Variants in DSG1 observed in about 807,000 individuals in gnomAD.
DSG1 encodes desmoglein 1, also known as desmoglein-1.
DSG1 carries 39 observed loss-of-function variants against 97.5 expected under a neutral mutation model. The observed-to-expected ratio is 0.40, with a 90% CI of 0.31 to 0.52. DSG1 has a LOEUF of 0.52. DSG1 is among the 20% of genes least tolerant of loss of function. The pLI, the probability that DSG1 is intolerant of heterozygous loss-of-function variation, is 0.53. For missense variants in DSG1, 1,311 were observed against 1,295.4 expected (o/e 1.01, Z -0.18); for synonymous variants, 475 against 443.4 (o/e 1.07, Z -0.90).
At chr18:31,345,542 C>T (rs1165414235) in intron 13 of DSG1, 4 of 171,630 alleles carry the variant, frequency 2.3e-5, no homozygotes, top group Admixed American at 2.3e-4. Flanking sequence ...TCATGAAAAC[C>T]TTTCTCCTCA....
rs1430240324 is a variant in DSG1, at chr18:31,326,599, A to G, written c.67A>G (p.Ser23Gly). Residue 23 changes from serine to glycine, a missense_variant, in exon 2 of 15, where the codon AGT (serine) becomes GGT (glycine). Physicochemically the swap from Ser to Gly is moderately conservative, Grantham distance 56. Coordinates refer to ENST00000257192, the MANE Select transcript of DSG1 (RefSeq NM_001942.4). Reference protein sequence around the residue: ...FIFLVVVEVNSEFRIQVRDYN... With the variant: ...FIFLVVVEVNGEFRIQVRDYN... The stretch of plus-strand genomic sequence containing the variant: ...TTTACAGGTGGTGGTAGAAGTTAAC[A>G]GTGAATTCCGAATCCAGGTAATATA... The G allele has an allele frequency of 1.2e-6, 2 of 1,605,206 alleles. No homozygotes were observed.
chr18:31,346,544 C>CCA (rs1045459891), intron 14 of DSG1, among the ~76,000 whole-genome samples: 12 of 152,146 alleles, frequency 7.9e-5, no homozygotes, highest in African/African-American at 2.9e-4. Context: ...AGCACCTTTG[C>CCA]CACACACCTT....
At chr18:31,343,749 G>C (rs552836466) in intron 12 of DSG1, 166 bp downstream of exon 12, 1 of 1,190,940 alleles carries the variant, frequency 8.4e-7, no homozygotes, top group African/African-American at 1.5e-5. Flanking sequence ...TTAGATGGAA[G>C]TAACCAGGGA....
At chr18:31,327,899 G>C (rs2071696189) in intron 3 of DSG1, among the ~76,000 whole-genome samples, 1 of 152,138 alleles carries the variant, frequency 6.6e-6, no homozygotes, top group Admixed American at 6.6e-5. Context: ...ACTGTTGAAT[G>C]AATGAAGTCA....
intron 1 of DSG1, among the ~76,000 whole-genome samples, chr18:31,322,049 T>A (rs929726017): frequency 5.9e-5 from 9 of 152,240 alleles, no homozygotes; most frequent in Non-Finnish European, 1.0e-4. Flanking sequence ...CAAATTTTTT[T>A]AAATGCCATT....
chr18:31,343,850 T>C, intron 12 of DSG1, 76 bp from the exon 13 acceptor site: 1 of 1,307,002 alleles, frequency 7.7e-7, no homozygotes, highest in South Asian at 1.2e-5. Context: ...AATTTAAGAA[T>C]AAACCAAATG....
At chr18:31,337,257 G>GT (rs373939179) in intron 9 of DSG1, among the ~76,000 whole-genome samples, 1 of 149,400 alleles carries the variant, frequency 6.7e-6, no homozygotes, top group African/African-American at 2.6e-5. Context: ...TTGTTTGTTT[G>GT]TTGTTTGTTT....
At chr18:31,334,638 T>C (rs530187167) in intron 8 of DSG1, among the ~76,000 whole-genome samples, 1 of 152,280 alleles carries the variant, frequency 6.6e-6, no homozygotes. Context: ...TATTTATTCC[T>C]CCCGCGTGTT....
In DSG1 at chr18:31,339,959, T is replaced by C. The variant is rs145564855; in HGVS notation, c.1621T>C (p.Ser541Pro). The C allele has an allele frequency of 1.9e-6, 3 of 1,614,110 alleles. No individual in the cohort carries two copies. The highest frequency in any genetic ancestry group is 4.5e-5 in the East Asian group (2 of 44,860). ...CGGAAACGGAGCCAAAGATTTGTTA[T>C]CAGACAATGTACATTTTGGTCCTGC... Reference protein sequence around the residue: ...EPGNGAKDLLSDNVHFGPAGI... With the variant: ...EPGNGAKDLLPDNVHFGPAGI... The change falls in exon 11 of 15, where the codon TCA becomes CCA. Residue 541 changes from serine to proline, a missense_variant. Around this residue, in one of 3 missense-constraint regions of DSG1, gnomAD observed 1,038 missense variants for 964.6 expected, o/e 1.08. Coordinates refer to ENST00000257192, the MANE Select transcript of DSG1 (RefSeq NM_001942.4).
At chr18:31,342,052 G>C (rs1312358444) in intron 11 of DSG1, among the ~76,000 whole-genome samples, 1 of 151,782 alleles carries the variant, frequency 6.6e-6, no homozygotes, top group African/African-American at 2.4e-5. Context: ...TCCTGCCTCA[G>C]CCTCCTGAGT....
At position 31,354,710 on chromosome 18, in the gene DSG1, C is replaced by T. The variant is rs758293574; in HGVS notation, c.2514C>T (p.Thr838=). 39 of 1,613,990 alleles carry T rather than the reference C, an allele frequency of 2.4e-5. No homozygotes were observed. Among genetic ancestry groups the T allele is most frequent in the Admixed American group, 3.3e-5 (2 of 59,998 alleles). Residue 838 remains threonine (T), a synonymous_variant, in exon 15 of 15, where the codon ACC becomes ACT. Coordinates refer to ENST00000257192, the MANE Select transcript of DSG1 (RefSeq NM_001942.4). ...DPLGYGNVTV[T]ESYTTSDTLK... The stretch of plus-strand genomic sequence containing the variant: ...TGGGCTATGGTAATGTCACTGTGAC[C>T]GAGTCTTACACCACCTCTGACACTC...
chr18:31,354,036 T>A (rs2071928750), intron 14 of DSG1: 1 of 438,506 alleles, frequency 2.3e-6, no homozygotes, highest in South Asian at 2.5e-5. Context: ...TGGTTTTATG[T>A]CCAAAGTACA....
Position 31,355,283 on chromosome 18 carries a change from C to T in DSG1, c.3087C>T (p.Ser1029=), listed in dbSNP as rs755411256. Residue 1029 remains serine (S), a synonymous_variant, in exon 15 of 15, where the codon TCC becomes TCT. Transcript: ENST00000257192. ...SDHHFNQTIG[S]ASPSTARSRI... ...ATCACTTTAACCAAACCATTGGGTC[C>T]GCCTCCCCTAGCACAGCTCGAAGTC... is the stretch of plus-strand genomic sequence containing the variant. 32 of 1,613,562 alleles carry T rather than the reference C, an allele frequency of 2.0e-5. No individual in the cohort carries two copies. The highest frequency in any genetic ancestry group is 9.3e-5 in the African/African-American group (7 of 74,918).
chr18:31,331,207 G>A (rs16961649), intron 5 of DSG1, among the ~76,000 whole-genome samples: 2,238 of 152,084 alleles, frequency 0.015, 54 homozygotes, highest in African/African-American at 0.049. Flanking sequence ...TTTATCAAAC[G>A]TGCATTATTC....
rs1308745238 is a variant in DSG1 at position 31,334,179 on chromosome 18, G to A, written c.982G>A (p.Val328Met). 2 of 1,604,972 alleles carry A rather than the reference G, an allele frequency of 1.2e-6. No individual in the cohort carries two copies. The highest frequency in any genetic ancestry group is 2.2e-5 in the East Asian group (1 of 44,652). The stretch of plus-strand genomic sequence containing the variant: ...GATAGAAATGAATGAAAGAACAAAT[G>A]TGGGAATTTTAAAGGTTGTTAAGGT... The part of the protein sequence containing the change: ...FEIEMNERTN[V>M]GILKVVKPLD... The change falls in exon 8 of 15, where the codon GTG becomes ATG. Residue 328 changes from valine to methionine, a missense_variant. By Grantham distance (21) the Val-to-Met change is conservative. Transcript: ENST00000257192.
chr18:31,341,484 C>T (rs753082366), intron 11 of DSG1, among the ~76,000 whole-genome samples: 7 of 152,278 alleles, frequency 4.6e-5, no homozygotes, highest in Admixed American at 1.3e-4. Context: ...ATCTAAACAA[C>T]GAGTCTGGCC....
intron 6 of DSG1, among the ~76,000 whole-genome samples, chr18:31,332,809 A>G (rs1032102219): frequency 1.4e-4 from 21 of 152,162 alleles, no homozygotes; most frequent in African/African-American, 4.8e-4. Flanking sequence ...ATGTTTGAAA[A>G]TCAACATTAG....
rs770676155 is a variant in DSG1 at position 31,331,791 on chromosome 18, C to T, written c.608C>T (p.Pro203Leu). The T allele has an allele frequency of 2.1e-5, 34 of 1,612,836 alleles. No homozygotes were observed. The highest frequency in any genetic ancestry group is 2.9e-5 in the Non-Finnish European group (34 of 1,179,124). ...GCCTTCAAGATTATAAGACAAGAAC[C>T]TTCAGATTCACCAATGTTTATTATC... ...KIAFKIIRQE[P>L]SDSPMFIINR... The change falls in exon 6 of 15, where the codon CCT (proline) becomes CTT (leucine). Residue 203 changes from proline (P) to leucine (L), a missense_variant. This residue lies in a region of DSG1 where 259 missense variants were observed against 304.1 expected (regional missense o/e 0.85). Coordinates refer to ENST00000257192, the MANE Select transcript of DSG1 (RefSeq NM_001942.4).
At chr18:31,336,770 T>C (rs1169406338) in intron 9 of DSG1, among the ~76,000 whole-genome samples, 157 bp downstream of exon 9, 1 of 152,220 alleles carries the variant, frequency 6.6e-6, no homozygotes, top group East Asian at 1.9e-4. Context: ...ATTTAAAATG[T>C]TTAACTTAAG....
Sources: gnomAD v4.1 joint callset for allele counts (sites outside exome capture counted in the v4.1 genomes callset) on GRCh38, gnomAD v4.1.1 for gene constraint, gnomAD v4.1.1 regional missense constraint, MANE v1.5 for transcripts, NCBI Gene and HGNC (gene_info 2026-07-23, HGNC 2026-07-21) for gene names.